The following UBR1 variants were observed in gnomAD, a reference collection of about 807,000 sequenced individuals.
UBR1 encodes ubiquitin protein ligase E3 component n-recognin 1.
UBR1 carries 102 observed loss-of-function variants against 242.1 expected under a neutral mutation model. The observed-to-expected ratio is 0.42, with a 90% CI of 0.36 to 0.50. The LOEUF (loss-of-function observed/expected upper bound fraction) is 0.50. UBR1 is among the 20% of genes least tolerant of loss of function. The probability of loss-of-function intolerance (pLI) is 0.01; values close to 1 mark genes in which losing one functional copy is unlikely to be tolerated. For synonymous variants in UBR1, 675 were observed against 684.8 expected, an observed-to-expected ratio of 0.99 and a Z score of 0.22; for missense variants, 1,772 against 2,101.8, an observed-to-expected ratio of 0.84 and a Z score of 3.07.
At chr15:43,077,665 G>GGA (rs1428739456) in intron 3 of UBR1, among the ~76,000 whole-genome samples, 83 of 126,898 alleles carry the variant, frequency 6.5e-4, no homozygotes, top group African/African-American at 2.3e-3. Context: ...AAAAATCTGA[G>GGA]AAAAAAAAAA....
intron 6 of UBR1, among the ~76,000 whole-genome samples, chr15:43,061,992 T>C (rs560943864): frequency 3.3e-5 from 5 of 151,784 alleles, no homozygotes; most frequent in Non-Finnish European, 4.4e-5. Flanking sequence ...AAAATAATAA[T>C]AACAAGTAAT....
intron 29 of UBR1, among the ~76,000 whole-genome samples, chr15:43,015,091 A>G (rs1349997859): frequency 6.9e-6 from 1 of 145,830 alleles, no homozygotes. Context: ...GGCCGCCCCT[A>G]CTGGGAAGTG....
At chr15:42,950,447 G>C in intron 45 of UBR1, 84 bp from the exon 46 acceptor site, 2 of 1,170,062 alleles carry the variant, frequency 1.7e-6, no homozygotes, top group East Asian at 2.3e-5. Flanking sequence ...CTAGAGAAAA[G>C]ACGTGGCCAA....
rs937956662 is a variant in UBR1, at chr15:42,943,192, C to T, written c.*2137G>A. 6.6e-6 allele frequency: 1 copy of T among 152,534 alleles called. No individual in the cohort carries two copies. The highest frequency in any genetic ancestry group is 2.1e-4 in the South Asian group (1 of 4,820). 9.4% of individuals were successfully genotyped at this position (152,534 alleles called of 1,614,324 possible). A position where few individuals can be genotyped will look rare whatever the true frequency, so the allele number is the denominator to read the frequency against. ...AATTATACAGATATATTTTTCTTCA[C>T]CATATCATTAAAATTCTCACTAGCC... On this transcript the variant is annotated 3_prime_UTR_variant, in exon 47 of 47. Coordinates refer to ENST00000290650, the MANE Select transcript of UBR1 (RefSeq NM_174916.3).
intron 1 of UBR1, among the ~76,000 whole-genome samples, chr15:43,094,517 CTTTTT>C (rs1360242986): frequency 6.6e-6 from 1 of 150,610 alleles, no homozygotes; most frequent in Non-Finnish European, 1.5e-5. Context: ...ATTTCTTTTT[CTTTTT>C]TATTTTCTTT....
chr15:43,074,867 G>T (rs1249563163), intron 4 of UBR1, 112 bp downstream of exon 4: 4 of 891,330 alleles, frequency 4.5e-6, no homozygotes, highest in Non-Finnish European at 7.4e-6. Flanking sequence ...ACCTAAATAT[G>T]AGAATAAAAA....
At chr15:43,091,213 CAGGCATG>C (rs1352265810) in intron 1 of UBR1, among the ~76,000 whole-genome samples, 1 of 152,180 alleles carries the variant, frequency 6.6e-6, no homozygotes, top group African/African-American at 2.4e-5. Flanking sequence ...GCTGGGATTA[CAGGCATG>C]AGCCACTGTG....
chr15:42,966,104 C>T, intron 41 of UBR1, 49 bp downstream of exon 41: 1 of 1,613,654 alleles, frequency 6.2e-7, no homozygotes, highest in Non-Finnish European at 8.5e-7. Context: ...AAGGTAAGAA[C>T]AAAGAAAATC....
chr15:42,966,031 C>T, intron 41 of UBR1, 122 bp downstream of exon 41: 3 of 1,427,698 alleles, frequency 2.1e-6, no homozygotes, highest in South Asian at 1.2e-5. Flanking sequence ...AGGGAACACA[C>T]ATGAAAGAAA....
At chr15:43,004,158 ACT>A (rs965572444) in intron 30 of UBR1, among the ~76,000 whole-genome samples, 16 of 152,252 alleles carry the variant, frequency 1.1e-4, no homozygotes, top group African/African-American at 3.6e-4. Context: ...TCTTTGATTT[ACT>A]TTTTAACCTT....
At chr15:43,009,124 G>A (rs2032878397) in intron 29 of UBR1, among the ~76,000 whole-genome samples, 1 of 152,232 alleles carries the variant, frequency 6.6e-6, no homozygotes, top group Non-Finnish European at 1.5e-5. Flanking sequence ...CGTTGCAGGT[G>A]ACAAGAAGGA....
chr15:43,076,900 T>G (rs1183385381), intron 3 of UBR1, among the ~76,000 whole-genome samples: 14 of 51,000 alleles, frequency 2.7e-4, no homozygotes, highest in African/African-American at 7.3e-4. Context: ...GGGAGGGAGG[T>G]GGGGGGGTCA....
At chr15:42,960,578 A>G (rs912246160) in intron 43 of UBR1, 67 bp downstream of exon 43, 27 of 1,516,476 alleles carry the variant, frequency 1.8e-5, no homozygotes, top group Non-Finnish European at 2.2e-5. Flanking sequence ...ACTATGCTCA[A>G]CAAATCAACT....
In UBR1 at chr15:42,983,997, G is replaced by C. The variant is rs138963231; in HGVS notation, c.4054-4C>G. ...TTAATGCTTTCAGACCATTATGCTAGATTGTAAGAGAGAAGGAAGATAAAA... is the reference window on the plus strand; with the variant it reads ...TTAATGCTTTCAGACCATTATGCTACATTGTAAGAGAGAAGGAAGATAAAA... On this transcript the variant is annotated splice_region_variant and splice_polypyrimidine_tract_variant and intron_variant, in intron 36 of 46. Coordinates refer to ENST00000290650, the MANE Select transcript of UBR1 (RefSeq NM_174916.3). 0.015 allele frequency: 24,071 copies of C among 1,607,344 alleles called. 260 individuals are homozygous for C. The highest frequency in any genetic ancestry group is 0.016 in the Non-Finnish European group (18,598 of 1,174,460).
intron 5 of UBR1, among the ~76,000 whole-genome samples, chr15:43,069,802 T>C (rs1260331272): frequency 6.6e-6 from 1 of 152,162 alleles, no homozygotes; most frequent in Non-Finnish European, 1.5e-5. Context: ...AAAATGACAC[T>C]CAAGCAATCC....
Position 43,047,264 on chromosome 15 carries a change from A to G in UBR1, c.1565T>C (p.Val522Ala), listed in dbSNP as rs1290254967. The G allele has an allele frequency of 1.1e-5, 17 of 1,614,180 alleles. No homozygotes were observed. The highest frequency in any genetic ancestry group is 1.7e-5 in the Admixed American group (1 of 60,018). ...MQGMEEIRRQ[V>A]GQHIEVDPDW... is the part of the protein sequence containing the mutation. ...AGGATCCACTTCAATGTGTTGCCCAACCTGTCTTCGGATTTCTTCCATTCC... is the reference window on the plus strand; with the variant it reads ...AGGATCCACTTCAATGTGTTGCCCAGCCTGTCTTCGGATTTCTTCCATTCC... The change falls in exon 14 of 47, where the codon GTT becomes GCT. Residue 522 changes from valine to alanine, a missense_variant. Val to Ala is a moderately conservative substitution (Grantham distance 64). Coordinates refer to ENST00000290650, the MANE Select transcript of UBR1 (RefSeq NM_174916.3).
At chr15:43,102,100 G>A (rs1464589528) in intron 1 of UBR1, among the ~76,000 whole-genome samples, 3 of 151,228 alleles carry the variant, frequency 2.0e-5, no homozygotes, top group African/African-American at 4.9e-5. Flanking sequence ...AGATCATACC[G>A]CTGGAAACAA....
chr15:43,067,776 T>C (rs2033771906), intron 6 of UBR1, 122 bp downstream of exon 6: 3 of 1,070,510 alleles, frequency 2.8e-6, no homozygotes, highest in African/African-American at 1.6e-5. Flanking sequence ...TTACCTAGGA[T>C]GTAAGGAATA....
intron 40 of UBR1, among the ~76,000 whole-genome samples, chr15:42,967,601 T>C (rs529305086): frequency 7.9e-5 from 12 of 152,220 alleles, no homozygotes; most frequent in African/African-American, 2.2e-4. Context: ...GCGAATCTTA[T>C]GTAAACTATG....
Sources: allele counts gnomAD v4.1 joint callset (sites outside exome capture counted in the v4.1 genomes callset), GRCh38; gene constraint gnomAD v4.1.1; transcripts MANE v1.5; gene names NCBI Gene and HGNC (gene_info 2026-07-23, HGNC 2026-07-21).